The following PHLPP1 variants were observed in gnomAD, a reference collection of about 807,000 sequenced individuals.
The protein encoded by PHLPP1 is PH domain and leucine rich repeat protein phosphatase 1.
PHLPP1 carries 42 observed loss-of-function variants against 117.2 expected under a neutral mutation model. The observed-to-expected ratio is 0.36, with a 90% CI of 0.28 to 0.46. The LOEUF (loss-of-function observed/expected upper bound fraction) is 0.46, where lower values mean the gene tolerates loss of function less well. PHLPP1 is among the 20% of genes least tolerant of loss of function. The pLI is 1.00. For missense variants in PHLPP1, 2,084 were observed against 2,241.9 expected, an observed-to-expected ratio of 0.93 and a Z score of 1.42; for synonymous variants, 1,042 against 970.7, an observed-to-expected ratio of 1.07 and a Z score of -1.37.
At chr18:62,884,183 A>G (rs1466695421) in intron 4 of PHLPP1, among the ~76,000 whole-genome samples, 1 of 152,260 alleles carries the variant, frequency 6.6e-6, no homozygotes, top group African/African-American at 2.4e-5. Flanking sequence ...GTATTGGGTG[A>G]GTAAACAATT....
chr18:62,767,579 C>T (rs1704805028), intron 1 of PHLPP1, among the ~76,000 whole-genome samples: 1 of 152,220 alleles, frequency 6.6e-6, no homozygotes, highest in South Asian at 2.1e-4. Flanking sequence ...CATGACTTGC[C>T]TGTGGCATAG....
chr18:62,827,229 G>A (rs879631146), intron 1 of PHLPP1, among the ~76,000 whole-genome samples: 11 of 152,206 alleles, frequency 7.2e-5, no homozygotes, highest in Admixed American at 2.6e-4. Flanking sequence ...TTGCTTTTAC[G>A]TCTATTTTTC....
intron 1 of PHLPP1, among the ~76,000 whole-genome samples, chr18:62,725,920 C>T (rs1386579453): frequency 1.3e-5 from 2 of 152,078 alleles, no homozygotes; most frequent in Non-Finnish European, 2.9e-5. Context: ...AAATATATTG[C>T]ATCTGTCATA....
intron 1 of PHLPP1, among the ~76,000 whole-genome samples, chr18:62,809,103 A>T (rs1599058590): frequency 6.6e-6 from 1 of 152,322 alleles, no homozygotes; most frequent in Middle Eastern, 3.4e-3. Flanking sequence ...GTGAATTTTT[A>T]AAAATATATG....
At chr18:62,849,969 T>C (rs1182232112) in intron 3 of PHLPP1, among the ~76,000 whole-genome samples, 1 of 150,688 alleles carries the variant, frequency 6.6e-6, no homozygotes, top group Admixed American at 6.6e-5. Flanking sequence ...GTCTAATTTA[T>C]TATTTTATAA....
At chr18:62,919,731 C>T (rs1458527719) in intron 9 of PHLPP1, among the ~76,000 whole-genome samples, 1 of 152,170 alleles carries the variant, frequency 6.6e-6, no homozygotes, top group Non-Finnish European at 1.5e-5. Flanking sequence ...ATCTATAGAA[C>T]TTGTTTTTTG....
chr18:62,940,270 ATT>A (rs552036070), intron 10 of PHLPP1, among the ~76,000 whole-genome samples: 3 of 103,306 alleles, frequency 2.9e-5, no homozygotes, highest in Non-Finnish European at 2.0e-5. Context: ...ACCGTGGAGG[ATT>A]TTTTTTTTTT....
At chr18:62,858,807 T>C (rs2144360437) in intron 3 of PHLPP1, among the ~76,000 whole-genome samples, 1 of 152,154 alleles carries the variant, frequency 6.6e-6, no homozygotes, top group South Asian at 2.1e-4. Flanking sequence ...AAAAATAAAA[T>C]GTGAATGATT....
intron 1 of PHLPP1, among the ~76,000 whole-genome samples, chr18:62,776,401 A>G (rs1956281540): frequency 6.6e-6 from 1 of 152,204 alleles, no homozygotes; most frequent in African/African-American, 2.4e-5. Flanking sequence ...CCCACATTAT[A>G]GAGGGAAGTC....
intron 13 of PHLPP1, among the ~76,000 whole-genome samples, chr18:62,961,034 C>A (rs757296847): frequency 6.6e-6 from 1 of 152,174 alleles, no homozygotes; most frequent in Non-Finnish European, 1.5e-5. Flanking sequence ...TGGTGGCTCA[C>A]GCCTGTAATC....
chr18:62,840,695 C>T (rs1915027538), intron 3 of PHLPP1, among the ~76,000 whole-genome samples: 1 of 152,132 alleles, frequency 6.6e-6, no homozygotes, highest in Non-Finnish European at 1.5e-5. Flanking sequence ...TTTAAATCAA[C>T]TTTTAAATTA....
In PHLPP1 at chr18:62,906,001, C is replaced by A. The variant is rs566741954; in HGVS notation, c.2708+717C>A. Among the ~76,000 whole-genome samples, 77 of 152,070 alleles carry A rather than the reference C, an allele frequency of 5.1e-4. 2 individuals carry two copies. In the South Asian group the frequency reaches 0.016, roughly 31 times the overall value. ...AACAATGAATTTTAAAATTGCAACT[C>A]ATTTGGAAGGTAACTCCAAAGGAGA... On this transcript the variant is annotated intron_variant, in intron 8 of 16. Coordinates refer to ENST00000262719, the MANE Select transcript of PHLPP1 (RefSeq NM_194449.4).
chr18:62,816,665 A>G (rs1199367966), intron 1 of PHLPP1, among the ~76,000 whole-genome samples: 1 of 152,118 alleles, frequency 6.6e-6, no homozygotes, highest in African/African-American at 2.4e-5. Context: ...ATCTTTGCCA[A>G]TTAGAGAAGT....
In PHLPP1 at chr18:62,843,817, G is replaced by A. The variant is rs1244702685; in HGVS notation, c.1899+4908G>A. 2.0e-5 allele frequency among the ~76,000 whole-genome samples: 3 copies of A among 152,310 alleles called. No homozygotes were observed. In the East Asian group the frequency reaches 5.8e-4, roughly 29 times the overall value. On this transcript the variant is annotated intron_variant, in intron 3 of 16. Transcript: ENST00000262719. ...GAAGTGAAAAGGCTACGGCTAAGCT[G>A]TGGGAATAACAAGAACGTGCAGAAG...
At chr18:62,726,900 C>T (rs1263119478) in intron 1 of PHLPP1, among the ~76,000 whole-genome samples, 1 of 151,244 alleles carries the variant, frequency 6.6e-6, no homozygotes, top group Non-Finnish European at 1.5e-5. Flanking sequence ...TTATAGTTTT[C>T]TATGCATAAA....
intron 4 of PHLPP1, among the ~76,000 whole-genome samples, chr18:62,879,288 A>AT (rs1181920473): frequency 6.6e-6 from 1 of 152,158 alleles, no homozygotes; most frequent in African/African-American, 2.4e-5. Context: ...CTGCCATGGG[A>AT]TGACACAGCA....
At chr18:62,718,533 T>C (rs1349705447) in intron 1 of PHLPP1, among the ~76,000 whole-genome samples, 1 of 152,224 alleles carries the variant, frequency 6.6e-6, no homozygotes, top group Non-Finnish European at 1.5e-5. Context: ...GAAATTTAAG[T>C]GGATTTCTGA....
At chr18:62,760,197 T>G (rs919015149) in intron 1 of PHLPP1, among the ~76,000 whole-genome samples, 7 of 152,202 alleles carry the variant, frequency 4.6e-5, no homozygotes, top group Non-Finnish European at 8.8e-5. Flanking sequence ...TTCCAGTGTC[T>G]CTTGAAAAGA....
intron 1 of PHLPP1, among the ~76,000 whole-genome samples, chr18:62,829,339 A>T (rs1914693110): frequency 6.6e-6 from 1 of 152,224 alleles, no homozygotes; most frequent in Admixed American, 6.5e-5. Flanking sequence ...AAGATGTTGG[A>T]TGTTATTTTC....
Sources: gnomAD v4.1 joint callset for allele counts (sites outside exome capture counted in the v4.1 genomes callset) on GRCh38, gnomAD v4.1.1 for gene constraint, MANE v1.5 for transcripts, NCBI Gene and HGNC (gene_info 2026-07-23, HGNC 2026-07-21) for gene names.